NRXN1: variants seen among roughly 807,000 people sequenced by gnomAD.
NRXN1 encodes neurexin 1.
A neutral mutation model predicts 150.9 loss-of-function variants in NRXN1; 39 were observed. That is an observed-to-expected ratio of 0.26 (90% confidence interval 0.20 to 0.34). The LOEUF (loss-of-function observed/expected upper bound fraction) is 0.34, where lower values mean the gene tolerates loss of function less well. Among genes scored for constraint, NRXN1 ranks in the 10% least tolerant of loss-of-function variants. The probability of loss-of-function intolerance (pLI) is 1.00; values close to 1 mark genes in which losing one functional copy is unlikely to be tolerated. For synonymous variants in NRXN1, 924 were observed against 757.0 expected (o/e 1.22, Z -3.62); for missense variants, 1,815 against 1,949.9 (o/e 0.93, Z 1.30).
intron 5 of NRXN1, among the ~76,000 whole-genome samples, chr2:50,668,015 C>G (rs751032023): frequency 6.6e-6 from 1 of 152,000 alleles, no homozygotes; most frequent in Non-Finnish European, 1.5e-5. Flanking sequence ...ATGATGGTTT[C>G]TCTTGGGTTG....
At chr2:50,382,650 GA>G (rs2081054091) in intron 17 of NRXN1, among the ~76,000 whole-genome samples, 1 of 152,146 alleles carries the variant, frequency 6.6e-6, no homozygotes, top group Non-Finnish European at 1.5e-5. Context: ...TTTCTCCCTA[GA>G]TAGAGAGTTA....
rs199967071 is a variant in NRXN1 at position 50,099,578 on chromosome 2, CATT to C, written c.3547-8087_3547-8085del. 2.4e-4 allele frequency among the ~76,000 whole-genome samples: 37 copies of C among 151,938 alleles called. 1 individual carries two copies. Among genetic ancestry groups the C allele is most frequent in the Non-Finnish European group, 4.1e-4 (28 of 67,948 alleles). ...CTACATAGTTCCTGTTAGCTATTAG[CATT>C]ATTATTATTATTGCTACAATTATTG... On this transcript the variant is annotated intron_variant, in intron 18 of 22. Transcript: ENST00000401669.
chr2:50,290,615 C>T (rs1024554971), intron 17 of NRXN1, among the ~76,000 whole-genome samples: 2 of 152,158 alleles, frequency 1.3e-5, no homozygotes, highest in African/African-American at 4.8e-5. Context: ...ACAAGCTCTC[C>T]ATGAAGGAGG....
At chr2:50,938,843 T>C (rs1361658443) in intron 2 of NRXN1, among the ~76,000 whole-genome samples, 2 of 152,178 alleles carry the variant, frequency 1.3e-5, no homozygotes, top group African/African-American at 4.8e-5. Context: ...TTTAGCAAAC[T>C]TTTAATTAGT....
intron 21 of NRXN1, among the ~76,000 whole-genome samples, chr2:50,024,677 C>T (rs1041215387): frequency 2.0e-4 from 30 of 151,984 alleles, no homozygotes; most frequent in African/African-American, 5.6e-4. Flanking sequence ...TGCAATGGTC[C>T]GATCTCGGCT....
chr2:50,981,153 C>T (rs1696722072), intron 2 of NRXN1, among the ~76,000 whole-genome samples: 1 of 151,704 alleles, frequency 6.6e-6, no homozygotes, highest in African/African-American at 2.4e-5. Context: ...GCTTATTTCC[C>T]AATATTATAA....
At chr2:50,477,581 C>A (rs2090093320) in intron 15 of NRXN1, among the ~76,000 whole-genome samples, 1 of 152,316 alleles carries the variant, frequency 6.6e-6, no homozygotes, top group African/African-American at 2.4e-5. Flanking sequence ...TAGCAGAATG[C>A]AAGTGTCAAG....
chr2:50,097,485 C>G (rs984293857), intron 18 of NRXN1, among the ~76,000 whole-genome samples: 1 of 152,116 alleles, frequency 6.6e-6, no homozygotes, highest in South Asian at 2.1e-4. Flanking sequence ...AGAGACTAAT[C>G]CTCACCAGGG....
intron 17 of NRXN1, among the ~76,000 whole-genome samples, chr2:50,427,923 G>T (rs989067283): frequency 2.0e-5 from 3 of 152,270 alleles, no homozygotes; most frequent in Admixed American, 6.5e-5. Context: ...AAAAGATCAA[G>T]TCTGAAAAAT....
intron 13 of NRXN1, among the ~76,000 whole-genome samples, chr2:50,506,126 A>G (rs2092209693): frequency 6.6e-6 from 1 of 152,198 alleles, no homozygotes; most frequent in African/African-American, 2.4e-5. Context: ...GTTAAAAGGT[A>G]AAACTTGCAG....
intron 5 of NRXN1, among the ~76,000 whole-genome samples, chr2:50,776,716 T>C (rs1296476552): frequency 3.3e-5 from 5 of 151,506 alleles, no homozygotes; most frequent in Admixed American, 3.3e-4. Flanking sequence ...TCATTTAGAT[T>C]AGTATGAAAA....
intron 17 of NRXN1, among the ~76,000 whole-genome samples, chr2:50,335,564 C>A (rs779302416): frequency 6.6e-6 from 1 of 150,864 alleles, no homozygotes. Context: ...AATCTAAATT[C>A]TAAAGGAATG....
chr2:50,526,920 C>T (rs924385721), intron 12 of NRXN1: 1 of 152,088 alleles, frequency 6.6e-6, no homozygotes, highest in East Asian at 1.9e-4. Flanking sequence ...GTCCTCAATA[C>T]CAGAGTCTCA....
chr2:50,576,676 T>C (rs1573615517), intron 8 of NRXN1, among the ~76,000 whole-genome samples: 1 of 152,164 alleles, frequency 6.6e-6, no homozygotes, highest in South Asian at 2.1e-4. Context: ...CTATATAAAA[T>C]AGATGTAAGA....
At chr2:50,085,800 G>C (rs1045344218) in intron 19 of NRXN1, among the ~76,000 whole-genome samples, 10 of 152,116 alleles carry the variant, frequency 6.6e-5, no homozygotes, top group Non-Finnish European at 1.0e-4. Context: ...AGAAATAGCA[G>C]ACTGTGACAT....
intron 10 of NRXN1, among the ~76,000 whole-genome samples, chr2:50,537,742 C>A (rs1052054993): frequency 6.6e-6 from 1 of 152,172 alleles, no homozygotes; most frequent in Non-Finnish European, 1.5e-5. Flanking sequence ...AGTCAGCTTA[C>A]TTTTCAGAGA....
At chr2:50,932,856 G>C (rs935783069) in intron 2 of NRXN1, among the ~76,000 whole-genome samples, 3 of 151,946 alleles carry the variant, frequency 2.0e-5, no homozygotes, top group African/African-American at 7.2e-5. Context: ...TGATTTCATA[G>C]ATCCTGCTGC....
intron 21 of NRXN1, among the ~76,000 whole-genome samples, chr2:50,021,296 C>A (rs533020516): frequency 2.0e-5 from 3 of 152,154 alleles, no homozygotes; most frequent in South Asian, 2.1e-4. Flanking sequence ...CTAAGACATA[C>A]GGAAAATATC....
chr2:50,892,987 GACC>G (rs1024011957), intron 5 of NRXN1, among the ~76,000 whole-genome samples: 4 of 152,200 alleles, frequency 2.6e-5, no homozygotes, highest in African/African-American at 9.6e-5. Context: ...GGAAGATTGG[GACC>G]TGGCCATTTT....
Sources: allele counts gnomAD v4.1 joint callset (sites outside exome capture counted in the v4.1 genomes callset), GRCh38; gene constraint gnomAD v4.1.1; transcripts MANE v1.5; gene names NCBI Gene and HGNC (gene_info 2026-07-23, HGNC 2026-07-21).